DMD: variants seen among roughly 807,000 people sequenced by gnomAD.
DMD encodes the protein dystrophin.
A neutral mutation model predicts 330.1 loss-of-function variants in DMD; 63 were observed. The observed-to-expected ratio is 0.19, with a 90% CI of 0.16 to 0.24. The LOEUF (loss-of-function observed/expected upper bound fraction) is 0.24. Ranked by LOEUF, DMD falls within the 10% of genes least tolerant of loss-of-function variation. The pLI is 1.00. For missense variants in DMD, 3,344 were observed against 2,684.1 expected (o/e 1.25, Z -5.43); for synonymous variants, 1,223 against 959.8 (o/e 1.27, Z -5.07).
chrX:31,331,262 T>C (rs1025704636), intron 61 of DMD, among the ~76,000 whole-genome samples: 1 of 111,578 alleles, frequency 9.0e-6, no homozygotes, highest in Non-Finnish European at 1.9e-5. Context: ...GTCAGTAGAT[T>C]GCCAAGTCAT....
At chrX:32,957,064 T>C (rs974357026) in intron 2 of DMD, among the ~76,000 whole-genome samples, 1 of 111,490 alleles carries the variant, frequency 9.0e-6, no homozygotes. Flanking sequence ...AGGCTCCAGT[T>C]TTTCAGTGTC....
rs1241963743 is a variant in DMD, at chrX:31,212,623, G to A, written c.9362-2924C>T. ...TTGCTATTCCTTCCTATGTAAGACA[G>A]ATTTTTTTTGTCTTTTACAGAGTGA... On this transcript the variant is annotated intron_variant, in intron 64 of 78. Coordinates refer to ENST00000357033, the MANE Select transcript of DMD (RefSeq NM_004006.3). Among the ~76,000 whole-genome samples, 8 of 111,570 alleles carry A rather than the reference G, an allele frequency of 7.2e-5. No individual in the cohort carries two copies. In the Admixed American group the frequency reaches 7.6e-4, roughly 11 times the overall value.
intron 4 of DMD, among the ~76,000 whole-genome samples, chrX:32,836,543 TTA>T (rs2079649232): frequency 9.0e-6 from 1 of 111,430 alleles, no homozygotes; most frequent in African/African-American, 3.3e-5. Context: ...TTCTATTTCT[TTA>T]TCTTTAGTTC....
intron 17 of DMD, among the ~76,000 whole-genome samples, chrX:32,526,020 T>C (rs1319914778): frequency 8.9e-6 from 1 of 111,837 alleles, no homozygotes; most frequent in African/African-American, 3.2e-5. Context: ...AACTTATGTA[T>C]CATAAGTTGC....
intron 44 of DMD, among the ~76,000 whole-genome samples, chrX:32,168,278 G>C (rs1035156079): frequency 2.7e-5 from 3 of 111,301 alleles, no homozygotes; most frequent in Non-Finnish European, 5.7e-5. Context: ...CTAGCTACAA[G>C]TCCTCCCCAA....
intron 22 of DMD, among the ~76,000 whole-genome samples, chrX:32,471,094 T>G (rs1459951880): frequency 9.0e-6 from 1 of 110,745 alleles, no homozygotes. Flanking sequence ...ATGGCCAAGA[T>G]GGTGAAACCC....
chrX:32,556,499 A>C (rs1005657709), intron 16 of DMD, among the ~76,000 whole-genome samples: 38 of 111,813 alleles, frequency 3.4e-4, no homozygotes, highest in African/African-American at 1.2e-3. Context: ...TATTATAAAG[A>C]TACATGCATG....
At chrX:31,655,211 T>C (rs760898995) in intron 54 of DMD, among the ~76,000 whole-genome samples, 12 of 111,576 alleles carry the variant, frequency 1.1e-4, no homozygotes, top group Non-Finnish European at 2.1e-4. Flanking sequence ...AATGGAACAC[T>C]AGGATAAATA....
chrX:31,277,350 C>T (rs1603285033), intron 62 of DMD, among the ~76,000 whole-genome samples: 1 of 111,563 alleles, frequency 9.0e-6, no homozygotes, highest in East Asian at 2.8e-4. Flanking sequence ...TAATATATTT[C>T]AGTAAAAAAG....
chrX:31,585,315 C>T (rs183228064), intron 55 of DMD, among the ~76,000 whole-genome samples: 1 of 87,423 alleles, frequency 1.1e-5, no homozygotes, highest in East Asian at 3.5e-4. Context: ...CAGAGTGAGA[C>T]CCTGTCTCAA....
intron 59 of DMD, among the ~76,000 whole-genome samples, chrX:31,454,485 C>G (rs1049276124): frequency 2.7e-5 from 3 of 111,975 alleles, no homozygotes; most frequent in Non-Finnish European, 5.6e-5. Flanking sequence ...ATTTCTTGGT[C>G]TGAGCCACAT....
At chrX:31,655,995 C>T (rs759175878) in intron 54 of DMD, among the ~76,000 whole-genome samples, 5 of 111,783 alleles carry the variant, frequency 4.5e-5, no homozygotes, top group African/African-American at 1.3e-4. Flanking sequence ...ACATTAACAT[C>T]GAAAGAAAGC....
chrX:32,935,047 C>T (rs1428014566), intron 2 of DMD, among the ~76,000 whole-genome samples: 1 of 113,009 alleles, frequency 8.8e-6, no homozygotes, highest in Non-Finnish European at 1.9e-5. Flanking sequence ...GGCGCGATCT[C>T]GGCTCACTGC....
At position 32,472,202 on chromosome X, in the gene DMD, C is replaced by T. The variant is rs1376043336; in HGVS notation, c.2911G>A (p.Asp971Asn). 2.5e-6 allele frequency: 3 copies of T among 1,211,125 alleles called. No individual in the cohort carries two copies. The highest frequency in any genetic ancestry group is 1.7e-5 in the African/African-American group (1 of 57,707). Residue 971 changes from aspartate (D) to asparagine (N), a missense_variant, in exon 22 of 79, where the codon GAC becomes AAC. Transcript: ENST00000357033. The stretch of plus-strand genomic sequence containing the variant: ...AGTCTCTGCTCCATGATTTCATAGT[C>T]GGTGACACTAAGTTGAGGTATGGAG... ...KLSIPQLSVT[D>N]YEIMEQRLGE...
At chrX:32,437,727 C>A (rs927566235) in intron 29 of DMD, among the ~76,000 whole-genome samples, 2 of 112,420 alleles carry the variant, frequency 1.8e-5, no homozygotes, top group Non-Finnish European at 3.8e-5. Flanking sequence ...GTATGCAAAA[C>A]ACTGACTAGG....
At chrX:32,754,436 A>G (rs777341943) in intron 7 of DMD, among the ~76,000 whole-genome samples, 1 of 110,529 alleles carries the variant, frequency 9.0e-6, no homozygotes, top group Non-Finnish European at 1.9e-5. Context: ...TCCCAAGTCA[A>G]TATGGTTATT....
intron 63 of DMD, among the ~76,000 whole-genome samples, chrX:31,257,593 C>G (rs1266462672): frequency 9.0e-6 from 1 of 111,696 alleles, no homozygotes; most frequent in Non-Finnish European, 1.9e-5. Context: ...CTCTGAAACA[C>G]TGTAATTTTG....
At chrX:32,779,977 T>C (rs1315161372) in intron 7 of DMD, among the ~76,000 whole-genome samples, 1 of 112,162 alleles carries the variant, frequency 8.9e-6, no homozygotes, top group Non-Finnish European at 1.9e-5. Flanking sequence ...GGTCATTTTA[T>C]ATTTTAACTT....
intron 8 of DMD, among the ~76,000 whole-genome samples, 183 bp from the exon 9 acceptor site, chrX:32,698,181 T>G (rs1309033526): frequency 9.0e-6 from 1 of 111,513 alleles, no homozygotes; most frequent in Non-Finnish European, 1.9e-5. Context: ...ATGAAGGCAC[T>G]TAATATCATG....
Sources: allele counts gnomAD v4.1 joint callset (sites outside exome capture counted in the v4.1 genomes callset), GRCh38; gene constraint gnomAD v4.1.1; transcripts MANE v1.5; gene names NCBI Gene and HGNC (gene_info 2026-07-23, HGNC 2026-07-21).